The following GABRR2 variants were observed in gnomAD, a reference collection of about 807,000 sequenced individuals.
The protein encoded by GABRR2 is gamma-aminobutyric acid receptor subunit rho-2.
A neutral mutation model predicts 47.0 loss-of-function variants in GABRR2; 36 were observed. The observed-to-expected ratio is 0.77, with a 90% CI of 0.59 to 1.01. The LOEUF is 1.01. GABRR2 is among the 50% of genes least tolerant of loss of function. The pLI is 0.00. For missense variants in GABRR2, 587 were observed against 594.6 expected, an observed-to-expected ratio of 0.99 and a Z score of 0.13; for synonymous variants, 204 against 227.5, an observed-to-expected ratio of 0.90 and a Z score of 0.93.
chr6:89,269,594 C>T (rs1427384021), intron 3 of GABRR2, among the ~76,000 whole-genome samples: 1 of 152,252 alleles, frequency 6.6e-6, no homozygotes, highest in Non-Finnish European at 1.5e-5. Context: ...ATTGGCTAAC[C>T]ATTCCATTTC....
At chr6:89,280,368 C>G (rs75990502) in intron 2 of GABRR2, among the ~76,000 whole-genome samples, 2,245 of 151,980 alleles carry the variant, frequency 0.015, 36 homozygotes, top group Middle Eastern at 0.059. Context: ...TCCCATACTT[C>G]CCTCAGCACT....
intron 2 of GABRR2, 37 bp from the exon 3 acceptor site, chr6:89,271,759 C>G: frequency 6.3e-7 from 1 of 1,582,496 alleles, no homozygotes; most frequent in East Asian, 2.3e-5. Flanking sequence ...AAGGCACCTT[C>G]CTCTCTACCT....
At chr6:89,269,269 C>T (rs1773988513) in intron 3 of GABRR2, 35 bp from the exon 4 acceptor site, 2 of 1,546,684 alleles carry the variant, frequency 1.3e-6, no homozygotes, top group East Asian at 2.2e-5. Flanking sequence ...ACAAAAATGG[C>T]TTAGAAGGTT....
rs192510669 is a variant in GABRR2 at position 89,311,686 on chromosome 6, A to G, written c.113+3367T>C. On this transcript the variant is annotated intron_variant, in intron 1 of 8. Transcript: ENST00000402938. ...TGGTTTTTTGGCAATAACAGCAACC[A>G]GGATAATCAGGTGTTCGTGGGTGCC... 1.1e-3 allele frequency among the ~76,000 whole-genome samples: 169 copies of G among 152,322 alleles called. 1 individual carries two copies. Among genetic ancestry groups the G allele is most frequent in the Non-Finnish European group, 2.1e-3 (140 of 68,026 alleles).
rs531129790 is a variant in GABRR2 at position 89,290,952 on chromosome 6, C to G, written c.220+8807G>C. On this transcript the variant is annotated intron_variant, in intron 2 of 8. Coordinates refer to ENST00000402938, the MANE Select transcript of GABRR2 (RefSeq NM_002043.5). Reference sequence around the variant, plus strand: ...CTTTGCAGCCTCTGGGGCTTTGCCACAGCTGCTACTTTCCCTTGACCCTGC... The same window carrying G: ...CTTTGCAGCCTCTGGGGCTTTGCCAGAGCTGCTACTTTCCCTTGACCCTGC... Among the ~76,000 whole-genome samples the G allele has an allele frequency of 3.3e-5, 5 of 152,290 alleles. No individual in the cohort carries two copies. The East Asian group carries it at 5.8e-4, about 18-fold the overall frequency.
At chr6:89,277,894 G>A (rs1232347296) in intron 2 of GABRR2, among the ~76,000 whole-genome samples, 3 of 150,692 alleles carry the variant, frequency 2.0e-5, no homozygotes, top group Non-Finnish European at 4.4e-5. Context: ...CTGCAAATTG[G>A]TACCACTACC....
intron 2 of GABRR2, among the ~76,000 whole-genome samples, chr6:89,276,058 A>G (rs1582447380): frequency 6.8e-6 from 1 of 147,978 alleles, no homozygotes; most frequent in Non-Finnish European, 1.5e-5. Flanking sequence ...AATATAAATT[A>G]TAATATAAAA....
chr6:89,269,480 T>C, intron 3 of GABRR2: 1 of 522,204 alleles, frequency 1.9e-6, no homozygotes, highest in South Asian at 2.1e-5. Flanking sequence ...AAATGAAAAC[T>C]GCAGCTGTGA....
intron 2 of GABRR2, among the ~76,000 whole-genome samples, chr6:89,290,508 A>T (rs1045949025): frequency 6.6e-6 from 1 of 152,202 alleles, no homozygotes. Context: ...CTGTGTAGAC[A>T]GTGATTCTGG....
intron 8 of GABRR2, among the ~76,000 whole-genome samples, chr6:89,260,434 T>G (rs1039419986): frequency 2.6e-5 from 4 of 152,218 alleles, no homozygotes; most frequent in African/African-American, 9.6e-5. Context: ...ATTGGCTTGC[T>G]TCTAAGAAAG....
intron 2 of GABRR2, among the ~76,000 whole-genome samples, chr6:89,273,918 ACAG>A (rs1352993858): frequency 6.6e-6 from 1 of 152,224 alleles, no homozygotes; most frequent in Non-Finnish European, 1.5e-5. Flanking sequence ...CCTGCTGGAT[ACAG>A]CAGTCCCAAG....
intron 2 of GABRR2, among the ~76,000 whole-genome samples, chr6:89,283,845 G>T (rs1774291017): frequency 6.6e-6 from 1 of 152,166 alleles, no homozygotes; most frequent in African/African-American, 2.4e-5. Flanking sequence ...CTATTGAAGG[G>T]CATGGATTAT....
At chr6:89,258,626 C>A (rs1261143284) in intron 8 of GABRR2, among the ~76,000 whole-genome samples, 3 of 150,102 alleles carry the variant, frequency 2.0e-5, no homozygotes, top group Non-Finnish European at 4.4e-5. Flanking sequence ...GAGGCTGAGG[C>A]AGGAGGATCA....
chr6:89,302,984 T>A lies in GABRR2; in HGVS notation c.114-3119A>T. On this transcript the variant is annotated intron_variant, in intron 1 of 8. Coordinates refer to ENST00000402938, the MANE Select transcript of GABRR2 (RefSeq NM_002043.5). ...GGCAAGGGCATGGACGAGATGGAGA[T>A]CACCGAGGCCAAGAGCAACATGAAT... 3 of 1,300,508 alleles carry A rather than the reference T, an allele frequency of 2.3e-6. No individual in the cohort carries two copies. In the South Asian group the frequency reaches 3.5e-5, roughly 15 times the overall value. 80.6% of individuals were successfully genotyped at this position (1,300,508 alleles called of 1,614,324 possible). A position where few individuals can be genotyped will look rare whatever the true frequency, so the allele number is the denominator to read the frequency against.
chr6:89,308,728 C>A (rs967403867), intron 1 of GABRR2, among the ~76,000 whole-genome samples: 1 of 152,200 alleles, frequency 6.6e-6, no homozygotes. Flanking sequence ...TCCCATCAAC[C>A]TTGAGGATGT....
In GABRR2 at chr6:89,254,593, C is replaced by T. The variant is rs1034473479; in HGVS notation, c.*3077G>A. 6.6e-6 allele frequency among the ~76,000 whole-genome samples: 1 copy of T among 152,156 alleles called. No homozygotes were observed. Among genetic ancestry groups the T allele is most frequent in the African/African-American group, 2.4e-5 (1 of 41,430 alleles). On this transcript the variant is annotated 3_prime_UTR_variant, in exon 9 of 9. Transcript: ENST00000402938. ...TGATTGTTAGTATTTTTTCTCAGTA[C>T]ATAAAATATGGGTGCATCTTACATT...
chr6:89,268,849 G>A lies in GABRR2; in HGVS notation c.512+162C>T, dbSNP rs140056312. Among the ~76,000 whole-genome samples, 1,329 of 152,258 alleles carry A rather than the reference G, an allele frequency of 8.7e-3. 9 individuals are homozygous for A. The highest frequency in any genetic ancestry group is 0.014 in the Non-Finnish European group (957 of 68,014). ...TGATGGGGAAGTTGTCCCCTGCTGG[G>A]GTGGCCATGTCATGTTTAGATAGTT... On this transcript the variant is annotated intron_variant, in intron 4 of 8. Transcript: ENST00000402938.
chr6:89,268,951 G>T, intron 4 of GABRR2, 60 bp downstream of exon 4: 1 of 1,477,772 alleles, frequency 6.8e-7, no homozygotes, highest in African/African-American at 1.4e-5. Flanking sequence ...GGGCCAAAGG[G>T]CCTGACCACA....
At chr6:89,299,080 C>G (rs1774603375) in intron 2 of GABRR2, among the ~76,000 whole-genome samples, 1 of 152,184 alleles carries the variant, frequency 6.6e-6, no homozygotes, top group Non-Finnish European at 1.5e-5. Flanking sequence ...AAAGCCAGAA[C>G]TGACTAAGAC....
Sources: gnomAD v4.1 joint callset for allele counts (sites outside exome capture counted in the v4.1 genomes callset) on GRCh38, gnomAD v4.1.1 for gene constraint, MANE v1.5 for transcripts, NCBI Gene and HGNC (gene_info 2026-07-23, HGNC 2026-07-21) for gene names.